HDAC4: variants seen among roughly 807,000 people sequenced by gnomAD.
The protein encoded by HDAC4 is histone deacetylase A.
A neutral mutation model predicts 135.1 loss-of-function variants in HDAC4; 16 were observed. That is an observed-to-expected ratio of 0.12 (90% CI 0.08 to 0.18). HDAC4 has a LOEUF of 0.18. HDAC4 is among the 10% of genes least tolerant of loss of function. HDAC4 has a pLI of 1.00. For synonymous variants in HDAC4, 685 were observed against 653.4 expected, an observed-to-expected ratio of 1.05 and a Z score of -0.74; for missense variants, 1,143 against 1,511.8, an observed-to-expected ratio of 0.76 and a Z score of 4.05.
intron 2 of HDAC4, among the ~76,000 whole-genome samples, chr2:239,340,539 T>G (rs1232323647): frequency 6.6e-6 from 1 of 152,144 alleles, no homozygotes; most frequent in Admixed American, 6.5e-5. Context: ...TGCTGCTGCT[T>G]AGAGATGCCT....
intron 5 of HDAC4, among the ~76,000 whole-genome samples, chr2:239,173,658 G>A (rs1318720250): frequency 1.3e-5 from 2 of 152,136 alleles, no homozygotes; most frequent in Admixed American, 6.5e-5. Flanking sequence ...GGCAATCTCA[G>A]CCCATTCTAT....
At chr2:239,356,812 T>C (rs1297968530) in intron 1 of HDAC4, among the ~76,000 whole-genome samples, 1 of 152,138 alleles carries the variant, frequency 6.6e-6, no homozygotes, top group Non-Finnish European at 1.5e-5. Flanking sequence ...TGAGTTTACA[T>C]TTCAACAATC....
intron 3 of HDAC4, among the ~76,000 whole-genome samples, chr2:239,222,283 C>T (rs974451746): frequency 7.9e-5 from 12 of 152,266 alleles, no homozygotes; most frequent in African/African-American, 2.6e-4. Context: ...TTAATGAAAA[C>T]GCAAGTGTTA....
intron 3 of HDAC4, among the ~76,000 whole-genome samples, chr2:239,208,714 G>GT (rs775171594): frequency 7.9e-5 from 12 of 151,604 alleles, no homozygotes; most frequent in Non-Finnish European, 1.5e-4. Context: ...ATAAGGAAAT[G>GT]TAATACGGTG....
Position 239,141,170 on chromosome 2 carries a change from T to C in HDAC4, c.866-1374A>G, listed in dbSNP as rs2041351899. Among the ~76,000 whole-genome samples the C allele has an allele frequency of 6.6e-6, 1 of 152,112 alleles. No homozygotes were observed. Among genetic ancestry groups the C allele is most frequent in the Admixed American group, 6.5e-5 (1 of 15,280 alleles). ...GTCATGGGCGTCTGCATACCAGAGT[T>C]AACCCAGCTGGGTGGTGAAGGCGCA... On this transcript the variant is annotated intron_variant, in intron 8 of 26. Coordinates refer to ENST00000543185, the MANE Select transcript of HDAC4 (RefSeq NM_001378414.1). This position sits in a 1 kb window ranked among gnomAD's most constrained non-coding sequence, Gnocchi z 4.9.
intron 7 of HDAC4, among the ~76,000 whole-genome samples, chr2:239,151,660 C>T (rs2042128268): frequency 6.6e-6 from 1 of 152,232 alleles, no homozygotes; most frequent in South Asian, 2.1e-4. Context: ...AGCCCAGCCT[C>T]CTCCCAATTC....
intron 1 of HDAC4, among the ~76,000 whole-genome samples, chr2:239,387,436 C>A (rs961854100): frequency 6.6e-6 from 1 of 152,184 alleles, no homozygotes; most frequent in African/African-American, 2.4e-5. Flanking sequence ...CCTTACTTTA[C>A]AAAACCCCCC....
intron 6 of HDAC4, among the ~76,000 whole-genome samples, chr2:239,162,661 T>C (rs2042884011): frequency 6.6e-6 from 1 of 152,076 alleles, no homozygotes. Flanking sequence ...TCCTTGCAAG[T>C]TTGTGTGTCC....
At position 239,220,628 on chromosome 2, in the gene HDAC4, A is replaced by G. The variant is rs572308403; in HGVS notation, c.94+15965T>C. ...AAAATCTTCAACGACACACAGAGTT[A>G]GCGAGAGGAATATAATAAACACCCA... On this transcript the variant is annotated intron_variant, in intron 3 of 26. Transcript: ENST00000543185. 2.1e-4 allele frequency among the ~76,000 whole-genome samples: 32 copies of G among 152,340 alleles called. No homozygotes were observed. In the South Asian group the frequency reaches 6.6e-3, roughly 32 times the overall value.
At chr2:239,345,631 AAAC>A (rs1692572239) in intron 2 of HDAC4, among the ~76,000 whole-genome samples, 2 of 150,298 alleles carry the variant, frequency 1.3e-5, no homozygotes, top group South Asian at 4.2e-4. Flanking sequence ...ACCCTGTGTA[AAAC>A]AACACTCTCA....
intron 1 of HDAC4, among the ~76,000 whole-genome samples, chr2:239,381,879 A>T (rs1695441400): frequency 6.6e-6 from 1 of 152,192 alleles, no homozygotes; most frequent in Non-Finnish European, 1.5e-5. Flanking sequence ...GAGATCCCCT[A>T]AAATAGACTC....
chr2:239,363,162 T>C (rs1017763809), intron 1 of HDAC4, among the ~76,000 whole-genome samples: 2 of 152,190 alleles, frequency 1.3e-5, no homozygotes, highest in Non-Finnish European at 2.9e-5. Flanking sequence ...GAGATCTCAA[T>C]ACAAGGAGGA....
chr2:239,355,002 C>T (rs535084843), intron 1 of HDAC4, among the ~76,000 whole-genome samples: 7 of 152,234 alleles, frequency 4.6e-5, no homozygotes, highest in African/African-American at 1.7e-4. Context: ...TTAAGTCCAG[C>T]TCAATTACAG....
chr2:239,066,004 T>G (rs187342204), intron 24 of HDAC4, among the ~76,000 whole-genome samples: 1 of 152,324 alleles, frequency 6.6e-6, no homozygotes, highest in African/African-American at 2.4e-5. Flanking sequence ...GAGGTGGATA[T>G]GACATTGGTA....
rs544480575 is a variant in HDAC4, at chr2:239,383,903, G to T, written c.-220+17075C>A. Among the ~76,000 whole-genome samples, 3 of 152,346 alleles carry T rather than the reference G, an allele frequency of 2.0e-5. No homozygotes were observed. In the South Asian group the frequency reaches 6.2e-4, roughly 32 times the overall value. On this transcript the variant is annotated intron_variant, in intron 1 of 26. Transcript: ENST00000543185. The stretch of plus-strand genomic sequence containing the variant: ...AGACAGCATCAGCCCCGCCAACAAG[G>T]CCAGACAAGGACAGACGTGAGAGCC...
chr2:239,266,152 G>A (rs1040952501), intron 2 of HDAC4, among the ~76,000 whole-genome samples: 3 of 152,182 alleles, frequency 2.0e-5, no homozygotes, highest in Admixed American at 6.5e-5. Context: ...CAGGCCAGCC[G>A]GAGCCCACCA....
At chr2:239,180,954 C>T (rs563072758) in intron 4 of HDAC4, among the ~76,000 whole-genome samples, 57 of 152,372 alleles carry the variant, frequency 3.7e-4, no homozygotes, top group Non-Finnish European at 6.8e-4. Context: ...GTCCACTGTC[C>T]CATGGCAGCG....
rs966648242 is a variant in HDAC4, at chr2:239,249,794, G to C, written c.23-13130C>G. 2.0e-5 allele frequency among the ~76,000 whole-genome samples: 3 copies of C among 151,026 alleles called. No homozygotes were observed. The East Asian group carries it at 5.8e-4, about 29-fold the overall frequency. ...GCTATTAAAGAAAAAAAAAAAACAA[G>C]GAGCTGAATATTAAGTGACACACAC... On this transcript the variant is annotated intron_variant, in intron 2 of 26. Coordinates refer to ENST00000543185, the MANE Select transcript of HDAC4 (RefSeq NM_001378414.1).
intron 2 of HDAC4, among the ~76,000 whole-genome samples, chr2:239,244,975 T>C (rs997501815): frequency 6.6e-6 from 1 of 152,216 alleles, no homozygotes; most frequent in Non-Finnish European, 1.5e-5. Flanking sequence ...CGCAGGTTAC[T>C]GAAAATTACC....
Sources: allele counts gnomAD v4.1 joint callset (sites outside exome capture counted in the v4.1 genomes callset), GRCh38; gene constraint gnomAD v4.1.1; non-coding constraint Gnocchi (gnomAD v3.1); transcripts MANE v1.5; gene names NCBI Gene and HGNC (gene_info 2026-07-23, HGNC 2026-07-21).